Variants in HOXA3 observed in about 807,000 individuals in gnomAD.
The protein encoded by HOXA3 is homeobox protein Hox-A3.
In HOXA3, 8 loss-of-function variants were observed where a neutral mutation model predicts 30.3. The ratio of observed to expected loss-of-function variants is 0.26; its 90% CI spans 0.15 to 0.48. The LOEUF is 0.48. HOXA3 is among the 20% of genes least tolerant of loss of function. The probability of loss-of-function intolerance (pLI) is 0.99; values close to 1 mark genes in which losing one functional copy is unlikely to be tolerated. For missense variants in HOXA3, 653 were observed against 614.4 expected, an observed-to-expected ratio of 1.06 and a Z score of -0.66; for synonymous variants, 323 against 273.1, an observed-to-expected ratio of 1.18 and a Z score of -1.80.
In HOXA3 at chr7:27,107,377, A is replaced by G. The variant is rs1387491413; in HGVS notation, c.*538T>C. ...TAGATTATTCAATGCTTGCAAAAAAATATAAATAAATCTGACTGTTCACCA... is the reference window on the plus strand; with the variant it reads ...TAGATTATTCAATGCTTGCAAAAAAGTATAAATAAATCTGACTGTTCACCA... On this transcript the variant is annotated 3_prime_UTR_variant, in exon 6 of 6. Coordinates refer to ENST00000612286, the MANE Select transcript of HOXA3 (RefSeq NM_153631.3). The G allele has an allele frequency of 6.6e-6, 1 of 152,224 alleles. No homozygotes were observed. The highest frequency in any genetic ancestry group is 1.5e-5 in the Non-Finnish European group (1 of 68,054). The allele number at this position is 152,224 out of a possible 1,614,324, so 9.4% of individuals were successfully genotyped here. A position where few individuals can be genotyped will look rare whatever the true frequency, so the allele number is the denominator to read the frequency against.
In HOXA3 at chr7:27,108,109, G is replaced by A; in HGVS notation, c.1138C>T (p.Pro380Ser). The change falls in exon 6 of 6, where the codon CCA becomes TCA. Residue 380 changes from proline (P) to serine (S), a missense_variant. Physicochemically the swap from Pro to Ser is moderately conservative, Grantham distance 74. Transcript: ENST00000612286. This position sits in a 1 kb window ranked among gnomAD's most constrained non-coding sequence, Gnocchi z 5.0. The part of the protein sequence containing the change: ...SYVEPMSNSG[P>S]ALFGLTHLPH... ...AGGTGAGTTAGACCAAAGAGGGCTG[G>A]CCCGGAGTTGCTCATGGGCTCCACA... 6.2e-7 allele frequency: 1 copy of A among 1,608,944 alleles called. No homozygotes were observed. The highest frequency in any genetic ancestry group is 8.5e-7 in the Non-Finnish European group (1 of 1,176,562).
At chr7:27,118,138 C>T (rs17471772) in intron 4 of HOXA3, among the ~76,000 whole-genome samples, 180 of 152,302 alleles carry the variant, frequency 1.2e-3, no homozygotes, top group African/African-American at 4.1e-3. Flanking sequence ...GAACAATCGG[C>T]GGAAATACCT....
chr7:27,147,526 C>A (rs539083745), intron 1 of HOXA3: 3 of 1,614,168 alleles, frequency 1.9e-6, no homozygotes, highest in Non-Finnish European at 2.5e-6. Flanking sequence ...ACACGAGGCC[C>A]CGTACTCGTA....
At chr7:27,145,573 C>T (rs1018891911) in intron 1 of HOXA3, 2 of 1,524,614 alleles carry the variant, frequency 1.3e-6, no homozygotes, top group African/African-American at 1.4e-5. Flanking sequence ...TGGGAGCAGG[C>T]GGGGAGAAAA....
At chr7:27,109,654 C>T (rs528449245) in intron 5 of HOXA3, among the ~76,000 whole-genome samples, 1 of 152,332 alleles carries the variant, frequency 6.6e-6, no homozygotes, top group African/African-American at 2.4e-5. Flanking sequence ...ACTCCATCTG[C>T]TGGAGCAAAA....
At chr7:27,131,734 C>G (rs1225325389) in intron 2 of HOXA3, among the ~76,000 whole-genome samples, 2 of 152,174 alleles carry the variant, frequency 1.3e-5, no homozygotes, top group South Asian at 4.1e-4. Flanking sequence ...GAACTATCCC[C>G]AAACAAAAAC....
chr7:27,150,895 A>G (rs991950452), intron 1 of HOXA3: 1 of 152,188 alleles, frequency 6.6e-6, no homozygotes, highest in Non-Finnish European at 1.5e-5. Context: ...TTGCTGGGAA[A>G]TCTCTGAGGG....
At chr7:27,112,781 C>A (rs374652919) in intron 4 of HOXA3, among the ~76,000 whole-genome samples, 67 of 114,048 alleles carry the variant, frequency 5.9e-4, no homozygotes, top group Admixed American at 2.0e-3. Flanking sequence ...TTAGATAAAA[C>A]AAAATTAAGC....
chr7:27,117,154 T>A (rs946181580), intron 4 of HOXA3, among the ~76,000 whole-genome samples: 3 of 152,268 alleles, frequency 2.0e-5, no homozygotes, highest in Admixed American at 6.5e-5. Flanking sequence ...TCTGGAAACA[T>A]GCAGTTTAAC....
intron 1 of HOXA3, chr7:27,145,576 G>A (rs1249459073): frequency 5.2e-6 from 8 of 1,531,548 alleles, no homozygotes; most frequent in Non-Finnish European, 7.0e-6. Context: ...GAGCAGGCGG[G>A]GAGAAAAGTT....
At chr7:27,132,433 A>G (rs144913498) in intron 2 of HOXA3, among the ~76,000 whole-genome samples, 32 of 152,374 alleles carry the variant, frequency 2.1e-4, no homozygotes, top group African/African-American at 7.5e-4. Flanking sequence ...TTAGCCACAT[A>G]AAGCCTATTA....
chr7:27,145,446 GGTTTT>G (rs142508258), intron 1 of HOXA3: 59,613 of 329,332 alleles, frequency 0.18, 3,879 homozygotes, highest in Admixed American at 0.3. Flanking sequence ...CTGTGTGTGA[GGTTTT>G]GTTTTGTTTT....
intron 3 of HOXA3, 52 bp from the exon 4 acceptor site, chr7:27,122,694 T>A (rs923514519): frequency 6.6e-6 from 1 of 151,256 alleles, no homozygotes; most frequent in Non-Finnish European, 1.5e-5. Context: ...GGGAAGGGAG[T>A]TGGAGGCCGG....
At chr7:27,142,569 C>T (rs937564478) in intron 1 of HOXA3, among the ~76,000 whole-genome samples, 1 of 152,224 alleles carries the variant, frequency 6.6e-6, no homozygotes, top group Non-Finnish European at 1.5e-5. Context: ...CCCTCCTGCC[C>T]CCAAAATTCA....
intron 2 of HOXA3, among the ~76,000 whole-genome samples, chr7:27,132,153 G>T (rs183655158): frequency 6.6e-6 from 1 of 152,172 alleles, no homozygotes; most frequent in Non-Finnish European, 1.5e-5. Context: ...AATTAAAGCA[G>T]TGTAAACTAG....
intron 4 of HOXA3, chr7:27,122,286 C>T (rs1785054647): frequency 6.6e-6 from 1 of 152,230 alleles, no homozygotes; most frequent in African/African-American, 2.4e-5. Flanking sequence ...GAAACAAACA[C>T]ACTCCCTCTG....
At chr7:27,150,675 T>C (rs771845430) in intron 1 of HOXA3, 2 of 152,564 alleles carry the variant, frequency 1.3e-5, no homozygotes, top group Admixed American at 1.3e-4. Flanking sequence ...CCAGAACGCC[T>C]TGGGACGCGC....
At chr7:27,109,329 T>A (rs1463202608) in intron 5 of HOXA3, among the ~76,000 whole-genome samples, 1 of 152,220 alleles carries the variant, frequency 6.6e-6, no homozygotes, top group African/African-American at 2.4e-5. Context: ...CCCTATGTCA[T>A]CAAGCAGCCA....
intron 4 of HOXA3, chr7:27,122,337 C>G (rs1785057718): frequency 6.6e-6 from 1 of 152,286 alleles, no homozygotes; most frequent in Non-Finnish European, 1.5e-5. Context: ...ACCGCTTCTC[C>G]TGCCCATCGC....
Sources: allele counts gnomAD v4.1 joint callset (sites outside exome capture counted in the v4.1 genomes callset), GRCh38; gene constraint gnomAD v4.1.1; non-coding constraint Gnocchi (gnomAD v3.1); transcripts MANE v1.5; gene names NCBI Gene and HGNC (gene_info 2026-07-23, HGNC 2026-07-21).